Variants in PHC2 observed in about 807,000 individuals in gnomAD.
The protein encoded by PHC2 is polyhomeotic homolog 2.
In PHC2, 29 loss-of-function variants were observed where a neutral mutation model predicts 87.4. The ratio of observed to expected loss-of-function variants is 0.33; its 90% confidence interval spans 0.25 to 0.45. The LOEUF is 0.45. Among genes scored for constraint, PHC2 ranks in the 20% least tolerant of loss-of-function variants. The pLI, the probability that PHC2 is intolerant of heterozygous loss-of-function variation, is 1.00. For missense variants in PHC2, 857 were observed against 1,136.7 expected (o/e 0.75, Z 3.54); for synonymous variants, 438 against 461.7 (o/e 0.95, Z 0.66).
At chr1:33,375,170 C>T (rs549283991) in intron 2 of PHC2, among the ~76,000 whole-genome samples, 196 bp downstream of exon 2, 1 of 152,268 alleles carries the variant, frequency 6.6e-6, no homozygotes, top group Middle Eastern at 3.4e-3. Flanking sequence ...CACGTGTCCT[C>T]CAAACTCCTT....
At position 33,398,254 on chromosome 1, in the gene PHC2, T is replaced by C. The variant is rs538450246; in HGVS notation, c.-54-22661A>G. On this transcript the variant is annotated intron_variant, in intron 1 of 14. Transcript: ENST00000683057. ...ATGCTTTGCAACATTTTAAATGACA[T>C]TAAGTAAGTGTAATTATGATTTAAA... Among the ~76,000 whole-genome samples, 11 of 152,304 alleles carry C rather than the reference T, an allele frequency of 7.2e-5. No homozygotes were observed. In the South Asian group the frequency reaches 2.3e-3, roughly 32 times the overall value.
chr1:33,341,876 G>A (rs1281413905), intron 9 of PHC2, among the ~76,000 whole-genome samples: 3 of 152,224 alleles, frequency 2.0e-5, no homozygotes, highest in African/African-American at 7.2e-5. Flanking sequence ...CCAGAAGGCA[G>A]GGGGAACATC....
rs1236372069 is a variant in PHC2 at position 33,349,490 on chromosome 1, G to A, written c.1558+4911C>T. The A allele has an allele frequency of 1.0e-6, 1 of 985,138 alleles. No individual in the cohort carries two copies. Among genetic ancestry groups the A allele is most frequent in the African/African-American group, 1.7e-5 (1 of 57,202 alleles). 61.0% of individuals were successfully genotyped at this position (985,138 alleles called of 1,614,324 possible). On this transcript the variant is annotated intron_variant, in intron 9 of 14. Transcript: ENST00000683057. The surrounding 1 kb of genome is among the most constrained non-coding windows in gnomAD (Gnocchi z 4.2). ...ACTGGCACGGCCTGGCAGCCGCGTA[G>A]GCCCGGGCCGTTAGGGGCACCGAGG...
chr1:33,388,318 ATT>A (rs751211305), intron 1 of PHC2, among the ~76,000 whole-genome samples: 13 of 126,094 alleles, frequency 1.0e-4, no homozygotes, highest in Non-Finnish European at 8.4e-5. Flanking sequence ...AATGACAGCA[ATT>A]TTTTTTTTTT....
At chr1:33,373,557 C>T (rs537745928) in intron 2 of PHC2, among the ~76,000 whole-genome samples, 4 of 152,224 alleles carry the variant, frequency 2.6e-5, no homozygotes, top group South Asian at 4.2e-4. Flanking sequence ...AAAAGGCTGT[C>T]CTTTGATCCT....
At chr1:33,351,695 G>GT (rs1288332949) in intron 9 of PHC2, among the ~76,000 whole-genome samples, 6 of 152,130 alleles carry the variant, frequency 3.9e-5, no homozygotes, top group Non-Finnish European at 8.8e-5. Flanking sequence ...GCTCACACCT[G>GT]TAATCCCAGC....
chr1:33,428,404 CCTT>C (rs943246683), intron 1 of PHC2, among the ~76,000 whole-genome samples: 3 of 152,242 alleles, frequency 2.0e-5, no homozygotes, highest in Non-Finnish European at 2.9e-5. Flanking sequence ...CCCAGTGACA[CCTT>C]CTTTACACGA....
rs1044757827 is a variant in PHC2, at chr1:33,356,599, G to A, written c.977-1346C>T. ...ACACAGCACATGTTTCAGAGAGCAC[G>A]GGGTTGGGGGTAAGGTTATAGATTA... is the stretch of plus-strand genomic sequence containing the variant. On this transcript the variant is annotated intron_variant, in intron 7 of 14. Transcript: ENST00000683057. Among the ~76,000 whole-genome samples the A allele has an allele frequency of 4.6e-5, 7 of 152,126 alleles. No homozygotes were observed. In the East Asian group the frequency reaches 7.7e-4, roughly 17 times the overall value.
chr1:33,375,002 T>G (rs532506394), intron 2 of PHC2, among the ~76,000 whole-genome samples: 39 of 152,206 alleles, frequency 2.6e-4, no homozygotes, highest in African/African-American at 9.4e-4. Context: ...TGACAAAGGA[T>G]TATTTGGGGG....
Position 33,334,638 on chromosome 1 carries a change from T to C in PHC2, c.1559-346A>G, listed in dbSNP as rs776239701. 2.0e-5 allele frequency among the ~76,000 whole-genome samples: 3 copies of C among 152,180 alleles called. No homozygotes were observed. Among genetic ancestry groups the C allele is most frequent in the Non-Finnish European group, 4.4e-5 (3 of 68,032 alleles). ...CTTGGTCGATACTGATTTGAACAAA[T>C]AAGGTTAATACTCAGTTTGAGGGAG... On this transcript the variant is annotated intron_variant, in intron 9 of 14. Transcript: ENST00000683057. This position sits in a 1 kb window ranked among gnomAD's most constrained non-coding sequence, Gnocchi z 5.5.
chr1:33,375,980 C>T (rs1648158025), intron 1 of PHC2, among the ~76,000 whole-genome samples: 2 of 152,198 alleles, frequency 1.3e-5, no homozygotes, highest in Admixed American at 6.5e-5. Flanking sequence ...TACCAGGTGA[C>T]GACTATGCAG....
intron 9 of PHC2, among the ~76,000 whole-genome samples, chr1:33,350,796 C>T (rs12022388): frequency 6.6e-6 from 1 of 152,100 alleles, no homozygotes; most frequent in East Asian, 1.9e-4. Context: ...TACTTAGCTC[C>T]CTTTCTCCTC....
At chr1:33,356,773 G>A (rs1373706604) in intron 7 of PHC2, among the ~76,000 whole-genome samples, 4 of 151,938 alleles carry the variant, frequency 2.6e-5, no homozygotes, top group Non-Finnish European at 5.9e-5. Flanking sequence ...AATCGCCATC[G>A]TCATCATGGC....
chr1:33,415,794 G>A (rs1650177453), intron 1 of PHC2, among the ~76,000 whole-genome samples: 1 of 152,164 alleles, frequency 6.6e-6, no homozygotes. Flanking sequence ...TGAACATGAG[G>A]ACAAGAGAAA....
At chr1:33,428,582 C>A (rs1237675996) in intron 1 of PHC2, among the ~76,000 whole-genome samples, 1 of 152,206 alleles carries the variant, frequency 6.6e-6, no homozygotes, top group East Asian at 1.9e-4. Context: ...CCCAACCTTG[C>A]TCAGCTTCTA....
rs1056719988 is a variant in PHC2, at chr1:33,405,819, T to C, written c.-55+25157A>G. On this transcript the variant is annotated intron_variant, in intron 1 of 14. Coordinates refer to ENST00000683057, the MANE Select transcript of PHC2 (RefSeq NM_001385109.1). ...GGTATTTCTAGTCATCTTTTTCTTA[T>C]TGAATGCTAACAATACACTGTGGTC... 3.3e-5 allele frequency among the ~76,000 whole-genome samples: 5 copies of C among 152,224 alleles called. No homozygotes were observed. The South Asian group carries it at 8.3e-4, about 25-fold the overall frequency.
At chr1:33,341,019 G>A (rs1015957709) in intron 9 of PHC2, among the ~76,000 whole-genome samples, 4 of 152,058 alleles carry the variant, frequency 2.6e-5, no homozygotes, top group African/African-American at 9.7e-5. Flanking sequence ...AAATGTCCTA[G>A]ATGAAGCAAC....
In PHC2 at chr1:33,355,384, C is replaced by G. The variant is rs554285523; in HGVS notation, c.977-131G>C. On this transcript the variant is annotated intron_variant, in intron 7 of 14. Coordinates refer to ENST00000683057, the MANE Select transcript of PHC2 (RefSeq NM_001385109.1). The stretch of plus-strand genomic sequence containing the variant: ...CAATGTCTCTTGTTTTCATCTCTTT[C>G]ATTTTTCACCCTGAGCCTGGCCTGC... 12 of 782,618 alleles carry G rather than the reference C, an allele frequency of 1.5e-5. No homozygotes were observed. In the African/African-American group the frequency reaches 1.6e-4, roughly 10 times the overall value. The allele number at this position is 782,618 out of a possible 1,614,324, so 48.5% of individuals were successfully genotyped here.
chr1:33,348,000 T>TA (rs569851780), intron 9 of PHC2, among the ~76,000 whole-genome samples: 151 of 152,318 alleles, frequency 9.9e-4, no homozygotes, highest in African/African-American at 3.4e-3. Flanking sequence ...AGCTATTTGT[T>TA]AAAATCACTT....
Sources: gnomAD v4.1 joint callset for allele counts (sites outside exome capture counted in the v4.1 genomes callset) on GRCh38, gnomAD v4.1.1 for gene constraint, Gnocchi (gnomAD v3.1) non-coding constraint, MANE v1.5 for transcripts, NCBI Gene and HGNC (gene_info 2026-07-23, HGNC 2026-07-21) for gene names.